DPH6: variants seen among roughly 807,000 people sequenced by gnomAD.
DPH6 encodes the protein diphthamine biosynthesis 6, also known as diphthine--ammonia ligase.
Under a neutral mutation model 38.2 loss-of-function variants are expected in DPH6, and 33 were observed. The observed-to-expected ratio is 0.86, with a 90% CI of 0.65 to 1.15. DPH6 has a LOEUF of 1.15. Among genes scored for constraint, DPH6 ranks in the 50% most tolerant of loss-of-function variants. The probability of loss-of-function intolerance (pLI) is 0.00; values close to 1 mark genes in which losing one functional copy is unlikely to be tolerated. For synonymous variants in DPH6, 108 were observed against 103.0 expected (o/e 1.05, Z -0.30); for missense variants, 325 against 320.0 (o/e 1.02, Z -0.12).
chr15:35,250,735 A>T (rs2051668360), intron 3 of DPH6, among the ~76,000 whole-genome samples: 1 of 152,186 alleles, frequency 6.6e-6, no homozygotes, highest in South Asian at 2.1e-4. Context: ...ATGGGAAAGG[A>T]GAAAAGGAGA....
intron 3 of DPH6, among the ~76,000 whole-genome samples, chr15:35,465,632 G>T (rs949092468): frequency 6.6e-6 from 1 of 152,030 alleles, no homozygotes; most frequent in Non-Finnish European, 1.5e-5. Flanking sequence ...TTAAAATATT[G>T]CTGGACTAGT....
At chr15:35,389,670 C>CT (rs200023220) in intron 6 of DPH6, among the ~76,000 whole-genome samples, 4,707 of 152,058 alleles carry the variant, frequency 0.031, 247 homozygotes, top group African/African-American at 0.11. Context: ...CAATCCCTGC[C>CT]TTTTTTTGTT....
Position 35,353,150 on chromosome 15 carries a change from TTTGAG to T in DPH6, n.207+20366_207+20370del, listed in dbSNP as rs537750489. On this transcript the variant is annotated intron_variant and non_coding_transcript_variant, in intron 3 of 3. Transcript: ENST00000558973. ...TGTTTGTTTTTTTCTTGTAAATTTG[TTTGAG>T]TTCACTGTAGATTCTAGATATTAGC... Among the ~76,000 whole-genome samples, 798 of 152,352 alleles carry T rather than the reference TTTGAG, an allele frequency of 5.2e-3. 4 individuals are homozygous for T. The highest frequency in any genetic ancestry group is 0.018 in the African/African-American group (764 of 41,588).
the DPH6 span, among the ~76,000 whole-genome samples, chr15:35,192,392 C>T: frequency 3.3e-5 from 5 of 152,156 alleles, no homozygotes; most frequent in Non-Finnish European, 5.9e-5. Context: ...TTCCTTTATT[C>T]TACCTTATCC....
intron 3 of DPH6, among the ~76,000 whole-genome samples, chr15:35,478,312 A>T (rs1165224205): frequency 6.7e-6 from 1 of 148,704 alleles, no homozygotes; most frequent in African/African-American, 2.5e-5. Flanking sequence ...TTTTAAAGAA[A>T]AAAATGTAAA....
At chr15:35,460,264 ATATT>A (rs1455819148) in intron 3 of DPH6, among the ~76,000 whole-genome samples, 2 of 152,246 alleles carry the variant, frequency 1.3e-5, no homozygotes, top group East Asian at 1.9e-4. Flanking sequence ...CAGTGAATGA[ATATT>A]TATTACTAAA....
the DPH6 span, among the ~76,000 whole-genome samples, chr15:35,200,103 T>G: frequency 6.6e-6 from 1 of 152,028 alleles, no homozygotes; most frequent in East Asian, 1.9e-4. Flanking sequence ...TCAAAAGAAA[T>G]TGGCTTGGGT....
intron 3 of DPH6, chr15:35,521,717 A>G (rs1456950987): frequency 2.4e-6 from 3 of 1,231,256 alleles, no homozygotes; most frequent in Non-Finnish European, 3.0e-6. Flanking sequence ...AATTTTAGTC[A>G]ACTTTAATTT....
intron 3 of DPH6, among the ~76,000 whole-genome samples, chr15:35,263,530 G>A (rs2051762939): frequency 6.7e-6 from 1 of 150,002 alleles, no homozygotes; most frequent in African/African-American, 2.5e-5. Context: ...AGCCTCCCAA[G>A]CAGCTGGGGC....
intron 3 of DPH6, among the ~76,000 whole-genome samples, chr15:35,473,584 C>T (rs941448506): frequency 2.0e-5 from 3 of 151,966 alleles, no homozygotes; most frequent in Admixed American, 6.6e-5. Flanking sequence ...TATATTGGTA[C>T]GCATATACCA....
At chr15:35,407,249 T>C (rs1252025021) in intron 6 of DPH6, among the ~76,000 whole-genome samples, 1 of 136,486 alleles carries the variant, frequency 7.3e-6, no homozygotes, top group Non-Finnish European at 1.6e-5. Flanking sequence ...AAAGAATTTA[T>C]GCATTTTTTT....
chr15:35,159,729 C>T, the DPH6 span, among the ~76,000 whole-genome samples: 3 of 151,932 alleles, frequency 2.0e-5, no homozygotes, highest in Admixed American at 1.3e-4. Flanking sequence ...GAAAATAAAT[C>T]GTCACCAAAA....
intron 3 of DPH6, among the ~76,000 whole-genome samples, chr15:35,464,666 T>G (rs1241493401): frequency 2.0e-5 from 3 of 152,234 alleles, no homozygotes; most frequent in Admixed American, 2.0e-4. Flanking sequence ...ACTGTGTGCT[T>G]GAATCTTCTA....
chr15:35,310,234 A>T (rs944168793), intron 3 of DPH6, among the ~76,000 whole-genome samples: 11 of 152,208 alleles, frequency 7.2e-5, no homozygotes, highest in Non-Finnish European at 1.0e-4. Context: ...TTGCAAAATA[A>T]TTGAAGCACT....
intron 3 of DPH6, among the ~76,000 whole-genome samples, chr15:35,273,808 T>A (rs750114387): frequency 6.6e-6 from 1 of 152,158 alleles, no homozygotes; most frequent in East Asian, 1.9e-4. Flanking sequence ...AGAATCAATA[T>A]CATGAAAATG....
intron 3 of DPH6, among the ~76,000 whole-genome samples, chr15:35,511,081 T>C (rs1226311047): frequency 2.0e-5 from 3 of 152,170 alleles, no homozygotes; most frequent in African/African-American, 7.2e-5. Flanking sequence ...TGTGTACTTG[T>C]TAGAAAAATC....
At chr15:35,450,843 A>C (rs1474262920) in intron 4 of DPH6, 40 bp from the exon 5 acceptor site, 3 of 1,473,918 alleles carry the variant, frequency 2.0e-6, no homozygotes, top group Middle Eastern at 2.1e-4. Context: ...ATGATCTCTT[A>C]ATGTTTTATA....
the DPH6 span, among the ~76,000 whole-genome samples, chr15:35,152,956 C>T: frequency 6.6e-6 from 1 of 152,098 alleles, no homozygotes; most frequent in Non-Finnish European, 1.5e-5. Context: ...GGTGTTTCTG[C>T]CACAACTACA....
intron 3 of DPH6, among the ~76,000 whole-genome samples, chr15:35,346,035 T>C (rs936700322): frequency 2.6e-5 from 4 of 151,996 alleles, no homozygotes; most frequent in South Asian, 2.1e-4. Flanking sequence ...AAATAGTAAG[T>C]GAAACGAAAG....
Sources: gnomAD v4.1 joint callset for allele counts (sites outside exome capture counted in the v4.1 genomes callset) on GRCh38, gnomAD v4.1.1 for gene constraint, MANE v1.5 for transcripts, NCBI Gene and HGNC (gene_info 2026-07-23, HGNC 2026-07-21) for gene names.